CACNA1B: variants seen among roughly 807,000 people sequenced by gnomAD.
CACNA1B encodes voltage-dependent N-type calcium channel subunit alpha-1B.
In CACNA1B, 70 loss-of-function variants were observed where a neutral mutation model predicts 247.2. The ratio of observed to expected loss-of-function variants is 0.28; its 90% confidence interval spans 0.23 to 0.35. CACNA1B has a LOEUF of 0.35. CACNA1B is among the 10% of genes least tolerant of loss of function. The pLI, the probability that CACNA1B is intolerant of heterozygous loss-of-function variation, is 1.00. For missense variants in CACNA1B, 2,367 were observed against 3,197.4 expected (o/e 0.74, Z 6.26); for synonymous variants, 1,231 against 1,294.4 (o/e 0.95, Z 1.05).
Position 138,007,394 on chromosome 9 carries a change from G to T in CACNA1B, c.2092+510G>T, listed in dbSNP as rs1427739944. 1.5e-5 allele frequency among the ~76,000 whole-genome samples: 2 copies of T among 132,824 alleles called. No individual in the cohort carries two copies. The highest frequency in any genetic ancestry group is 3.0e-5 in the Non-Finnish European group (2 of 66,148). The allele number at this position is 132,824 out of a possible 152,430, so 87.1% of individuals were successfully genotyped here. A position where few individuals can be genotyped will look rare whatever the true frequency, so the allele number is the denominator to read the frequency against. The stretch of plus-strand genomic sequence containing the variant: ...GGGGTCAGAGCGAGCCCAGCCGCCG[G>T]TGGTGAGCTCTGCCCTAGCAAGGGA... On this transcript the variant is annotated intron_variant, in intron 16 of 46. Transcript: ENST00000371372. The surrounding 1 kb of genome is among the most constrained non-coding windows in gnomAD (Gnocchi z 4.1).
At position 138,075,716 on chromosome 9, in the gene CACNA1B, C is replaced by T. The variant is rs184404619; in HGVS notation, c.4858-103C>T. On this transcript the variant is annotated intron_variant, in intron 34 of 46. Coordinates refer to ENST00000371372, the MANE Select transcript of CACNA1B (RefSeq NM_000718.4). The stretch of plus-strand genomic sequence containing the variant: ...TGGTGTGGGGCAGTCGCCCATCTCA[C>T]GTGGGGTCCTTGTACGGCTCGCACG... 1,338 of 715,958 alleles carry T rather than the reference C, an allele frequency of 1.9e-3. 9 individuals carry two copies. Among genetic ancestry groups the T allele is most frequent in the Non-Finnish European group, 1.6e-3 (645 of 403,192 alleles). The allele number at this position is 715,958 out of a possible 1,614,324, so 44.4% of individuals were successfully genotyped here. A position where few individuals can be genotyped will look rare whatever the true frequency, so the allele number is the denominator to read the frequency against.
intron 10 of CACNA1B, among the ~76,000 whole-genome samples, chr9:137,959,685 G>A (rs558928019): frequency 6.6e-6 from 1 of 152,158 alleles, no homozygotes; most frequent in South Asian, 2.1e-4. Flanking sequence ...GCTGTGCACC[G>A]GCTCTCTGGC....
Position 137,913,919 on chromosome 9 carries a change from G to C in CACNA1B, c.622+648G>C, listed in dbSNP as rs1017740043. On this transcript the variant is annotated intron_variant, in intron 4 of 46. Transcript: ENST00000371372. The surrounding 1 kb of genome is among the most constrained non-coding windows in gnomAD (Gnocchi z 5.2). ...TGATTGGCTCCCTGTTCTACCCTGA[G>C]ACCTTGCCAGGCAATGGTTCTGGCC... Among the ~76,000 whole-genome samples the C allele has an allele frequency of 6.6e-6, 1 of 152,224 alleles. No homozygotes were observed. Among genetic ancestry groups the C allele is most frequent in the Non-Finnish European group, 1.5e-5 (1 of 68,044 alleles).
At chr9:138,120,399 C>T in intron 45 of CACNA1B, 27 bp downstream of exon 45, 1 of 1,523,896 alleles carries the variant, frequency 6.6e-7, no homozygotes, top group African/African-American at 1.4e-5. Context: ...CCGGGGAGTC[C>T]TTCGGGGAGC....
At chr9:138,113,950 G>A (rs994234921) in intron 40 of CACNA1B, among the ~76,000 whole-genome samples, 2 of 147,630 alleles carry the variant, frequency 1.4e-5, no homozygotes, top group African/African-American at 5.0e-5. Context: ...GTGAGGGAGC[G>A]CCGGGAGGTG....
At chr9:138,040,672 G>T (rs1449690175) in intron 20 of CACNA1B, 1 of 259,514 alleles carries the variant, frequency 3.9e-6, no homozygotes, top group Non-Finnish European at 8.2e-6. Context: ...TAGGCTGGGA[G>T]GTGAGGCCCG....
intron 20 of CACNA1B, among the ~76,000 whole-genome samples, chr9:138,038,144 G>A (rs1444108850): frequency 1.3e-5 from 2 of 152,280 alleles, no homozygotes; most frequent in South Asian, 4.1e-4. Flanking sequence ...AATTATTCTT[G>A]TAAAATTTTG....
chr9:138,040,994 T>C (rs746795107), intron 20 of CACNA1B, among the ~76,000 whole-genome samples: 4 of 152,200 alleles, frequency 2.6e-5, no homozygotes, highest in Non-Finnish European at 5.9e-5. Flanking sequence ...CCTCTCCAGA[T>C]ATGTAGGAGA....
In CACNA1B at chr9:138,102,618, C is replaced by T. The variant is rs1961289176; in HGVS notation, c.5223-93C>T. The T allele has an allele frequency of 1.7e-6, 1 of 596,362 alleles. No homozygotes were observed. The highest frequency in any genetic ancestry group is 1.9e-5 in the African/African-American group (1 of 53,720). The allele number at this position is 596,362 out of a possible 1,614,324, so 36.9% of individuals were successfully genotyped here. A position where few individuals can be genotyped will look rare whatever the true frequency, so the allele number is the denominator to read the frequency against. On this transcript the variant is annotated intron_variant, in intron 37 of 46. Coordinates refer to ENST00000371372, the MANE Select transcript of CACNA1B (RefSeq NM_000718.4). The surrounding 1 kb of genome is among the most constrained non-coding windows in gnomAD (Gnocchi z 5.4). ...GTTTTCTTGTCTGCTTCCTCCCTGC[C>T]CCTACCCCGCTCCCCTCCCCGCTCC...
chr9:138,044,247 G>A (rs1828731209), intron 21 of CACNA1B, among the ~76,000 whole-genome samples: 1 of 152,250 alleles, frequency 6.6e-6, no homozygotes, highest in Admixed American at 6.5e-5. Flanking sequence ...TGTGTTGCCT[G>A]CGTGTGTGCA....
In CACNA1B at chr9:138,123,139, C is replaced by CAGA. The variant is rs1397349743; in HGVS notation, c.*1144_*1146dup. On this transcript the variant is annotated 3_prime_UTR_variant, in exon 47 of 47. Transcript: ENST00000371372. ...GAAATAGGTTTCCTTCCACATACAG[C>CAGA]AGAAGAGAGGCAAAGGCTGGTAGGA... 6 of 134,176 alleles carry CAGA rather than the reference C, an allele frequency of 4.5e-5. No individual in the cohort carries two copies. The highest frequency in any genetic ancestry group is 2.2e-4 in the African/African-American group (6 of 27,168). 8.3% of individuals were successfully genotyped at this position (134,176 alleles called of 1,614,324 possible).
rs145054484 is a variant in CACNA1B, at chr9:138,042,197, C to T, written c.3287-1577C>T. On this transcript the variant is annotated intron_variant, in intron 20 of 46. Transcript: ENST00000371372. ...AAAACTTACAACACACGCCTGTAAG[C>T]CCAGCAGTTTGGGAGGCCAAGAAGG... Among the ~76,000 whole-genome samples, 1,391 of 152,288 alleles carry T rather than the reference C, an allele frequency of 9.1e-3. 8 individuals carry two copies. The highest frequency in any genetic ancestry group is 0.012 in the South Asian group (60 of 4,818).
rs201120810 is a variant in CACNA1B, at chr9:138,118,760, G to A, written c.6022G>A (p.Glu2008Lys). The change falls in exon 44 of 47, where the codon GAG (glutamate) becomes AAG (lysine). Residue 2008 changes from glutamate to lysine, a missense_variant. By Grantham distance (56) the Glu-to-Lys change is moderately conservative. Coordinates refer to ENST00000371372, the MANE Select transcript of CACNA1B (RefSeq NM_000718.4). ...GGCCTCCATGCCCCGCCTTGCGGCC[G>A]AGACTCAGGTAGGTGGTCTGGGAGG... Reference protein sequence around the residue: ...RAASMPRLAAETQPVTDASPM... With the variant: ...RAASMPRLAAKTQPVTDASPM... The A allele has an allele frequency of 2.1e-4, 311 of 1,486,676 alleles. No homozygotes were observed. In the African/African-American group the frequency reaches 3.7e-3, roughly 18 times the overall value. The allele number at this position is 1,486,676 out of a possible 1,614,324, so 92.1% of individuals were successfully genotyped here.
In CACNA1B at chr9:138,105,826, G is replaced by A; in HGVS notation, c.5428+19G>A. On this transcript the variant is annotated intron_variant, in intron 39 of 46. Coordinates refer to ENST00000371372, the MANE Select transcript of CACNA1B (RefSeq NM_000718.4). Reference sequence around the variant, plus strand: ...GCCCCAGGTGAGCAAGGCAGCCTCGGAAGGAGGGCCCTGGACCCAGGGATG... The same window carrying A: ...GCCCCAGGTGAGCAAGGCAGCCTCGAAAGGAGGGCCCTGGACCCAGGGATG... 1 of 1,374,992 alleles carries A rather than the reference G, an allele frequency of 7.3e-7. No homozygotes were observed. Among genetic ancestry groups the A allele is most frequent in the South Asian group, 1.2e-5 (1 of 80,844 alleles). 85.2% of individuals were successfully genotyped at this position (1,374,992 alleles called of 1,614,324 possible).
rs1956912715 is a variant in CACNA1B at position 137,881,171 on chromosome 9, A to G, written c.391-1573A>G. The stretch of plus-strand genomic sequence containing the variant: ...CGGCCCCACTGTTCCCCTGGGGCAG[A>G]TGGTCAGCAACCCCACCCCTTGGGA... On this transcript the variant is annotated intron_variant, in intron 2 of 46. Coordinates refer to ENST00000371372, the MANE Select transcript of CACNA1B (RefSeq NM_000718.4). This position sits in a 1 kb window ranked among gnomAD's most constrained non-coding sequence, Gnocchi z 4.3. 6.6e-6 allele frequency among the ~76,000 whole-genome samples: 1 copy of G among 152,142 alleles called. No homozygotes were observed. Among genetic ancestry groups the G allele is most frequent in the Admixed American group, 6.5e-5 (1 of 15,274 alleles).
intron 3 of CACNA1B, among the ~76,000 whole-genome samples, chr9:137,883,821 G>T (rs547946204): frequency 2.0e-5 from 3 of 151,966 alleles, no homozygotes; most frequent in Non-Finnish European, 4.4e-5. Context: ...GAGGGAGCAG[G>T]CCCCACAGCA....
At chr9:138,015,749 A>G (rs1589069921) in intron 18 of CACNA1B, among the ~76,000 whole-genome samples, 1 of 152,214 alleles carries the variant, frequency 6.6e-6, no homozygotes, top group South Asian at 2.1e-4. Flanking sequence ...AGCGTGTCGC[A>G]TGCAGTGCTG....
chr9:137,971,793 A>G lies in CACNA1B; in HGVS notation c.1543+201A>G, dbSNP rs558858267. Among the ~76,000 whole-genome samples the G allele has an allele frequency of 1.4e-3, 211 of 152,142 alleles. No homozygotes were observed. The highest frequency in any genetic ancestry group is 2.7e-3 in the Non-Finnish European group (181 of 67,974). Reference sequence around the variant, plus strand: ...TCCAGAGCTGGAGGGTGGCCTCTCCAGCCCCTGGGTTCCAGAAAGCACAGC... The same window carrying G: ...TCCAGAGCTGGAGGGTGGCCTCTCCGGCCCCTGGGTTCCAGAAAGCACAGC... On this transcript the variant is annotated intron_variant, in intron 11 of 46. Coordinates refer to ENST00000371372, the MANE Select transcript of CACNA1B (RefSeq NM_000718.4). The surrounding 1 kb of genome is among the most constrained non-coding windows in gnomAD (Gnocchi z 4.4).
intron 16 of CACNA1B, among the ~76,000 whole-genome samples, chr9:138,009,131 G>C (rs1958691585): frequency 1.3e-5 from 2 of 152,346 alleles, no homozygotes; most frequent in South Asian, 4.1e-4. Flanking sequence ...ACCGTGATGG[G>C]ACAAGGACCT....
Sources: gnomAD v4.1 joint callset for allele counts (sites outside exome capture counted in the v4.1 genomes callset) on GRCh38, gnomAD v4.1.1 for gene constraint, Gnocchi (gnomAD v3.1) non-coding constraint, MANE v1.5 for transcripts, NCBI Gene and HGNC (gene_info 2026-07-23, HGNC 2026-07-21) for gene names.